The following TRIM44 variants were observed in gnomAD, a reference collection of about 807,000 sequenced individuals.
TRIM44 encodes tripartite motif containing 44.
TRIM44 carries 13 observed loss-of-function variants against 37.4 expected under a neutral mutation model. The ratio of observed to expected loss-of-function variants is 0.35; its 90% CI spans 0.23 to 0.55. The LOEUF is 0.55. Among genes scored for constraint, TRIM44 ranks in the 20% least tolerant of loss-of-function variants. The probability of loss-of-function intolerance (pLI) is 0.89; values close to 1 mark genes in which losing one functional copy is unlikely to be tolerated. For synonymous variants in TRIM44, 175 were observed against 157.2 expected (o/e 1.11, Z -0.85); for missense variants, 426 against 437.2 (o/e 0.97, Z 0.23).
chr11:35,756,988 C>T (rs566106999), intron 4 of TRIM44, among the ~76,000 whole-genome samples: 155 of 152,242 alleles, frequency 1.0e-3, no homozygotes, highest in African/African-American at 3.7e-3. Flanking sequence ...GTGTCTCTGC[C>T]AGGCTTTGGT....
chr11:35,769,917 AC>A (rs779086442), intron 4 of TRIM44, among the ~76,000 whole-genome samples: 1 of 147,408 alleles, frequency 6.8e-6, no homozygotes, highest in Non-Finnish European at 1.5e-5. Context: ...TATAATTTCA[AC>A]TTTTATTTTA....
chr11:35,797,117 A>G (rs1853302940), intron 4 of TRIM44, among the ~76,000 whole-genome samples: 1 of 152,136 alleles, frequency 6.6e-6, no homozygotes, highest in Non-Finnish European at 1.5e-5. Flanking sequence ...GAAAGTAGGG[A>G]AGTGCTCAAA....
chr11:35,724,012 A>C (rs1852138741), intron 2 of TRIM44, among the ~76,000 whole-genome samples: 1 of 152,212 alleles, frequency 6.6e-6, no homozygotes, highest in Admixed American at 6.5e-5. Flanking sequence ...TTACAGGGAC[A>C]TTAATAACAT....
chr11:35,717,976 G>C (rs981091649), intron 2 of TRIM44, among the ~76,000 whole-genome samples: 1 of 152,138 alleles, frequency 6.6e-6, no homozygotes. Context: ...CAAAACAAGA[G>C]TGGAGATTCA....
At chr11:35,735,138 C>G (rs892334801) in intron 3 of TRIM44, among the ~76,000 whole-genome samples, 5 of 152,176 alleles carry the variant, frequency 3.3e-5, no homozygotes, top group African/African-American at 1.2e-4. Flanking sequence ...ATACTGCCAG[C>G]CATACAAATA....
intron 1 of TRIM44, among the ~76,000 whole-genome samples, chr11:35,667,525 G>T (rs1163517945): frequency 6.6e-6 from 1 of 152,056 alleles, no homozygotes; most frequent in Admixed American, 6.6e-5. Context: ...GTGCCACCAT[G>T]CCTGGCTAAC....
At chr11:35,759,944 G>C (rs530691311) in intron 4 of TRIM44, among the ~76,000 whole-genome samples, 5 of 152,364 alleles carry the variant, frequency 3.3e-5, no homozygotes, top group African/African-American at 1.2e-4. Flanking sequence ...TCGGGGTTCA[G>C]GGACCCACTT....
chr11:35,798,968 C>G (rs1853330369), intron 4 of TRIM44, among the ~76,000 whole-genome samples: 1 of 151,310 alleles, frequency 6.6e-6, no homozygotes, highest in Non-Finnish European at 1.5e-5. Context: ...TTGTGTGTTA[C>G]AGAAAGTAAA....
intron 1 of TRIM44, among the ~76,000 whole-genome samples, chr11:35,671,514 G>A (rs950896307): frequency 2.6e-5 from 4 of 152,196 alleles, no homozygotes; most frequent in African/African-American, 9.7e-5. Flanking sequence ...TTAGAATTGA[G>A]AGGAATTTGT....
In TRIM44 at chr11:35,792,072, T is replaced by TACAC. The variant is rs57127722; in HGVS notation, c.1008-14249_1008-14246dup. ...CCATCCCTTCCTGAGGAGTTGCCCC[T>TACAC]ACACACACACACACACACACACACA... On this transcript the variant is annotated intron_variant, in intron 4 of 4. Transcript: ENST00000299413. 8.3e-3 allele frequency among the ~76,000 whole-genome samples: 1,137 copies of TACAC among 136,778 alleles called. 21 individuals are homozygous for TACAC. The highest frequency in any genetic ancestry group is 0.031 in the African/African-American group (1,070 of 34,784). The allele number at this position is 136,778 out of a possible 152,430, so 89.7% of individuals were successfully genotyped here.
At chr11:35,741,030 C>T (rs925241549) in intron 4 of TRIM44, among the ~76,000 whole-genome samples, 4 of 151,974 alleles carry the variant, frequency 2.6e-5, no homozygotes, top group South Asian at 2.1e-4. Context: ...GTTAGTGATA[C>T]GCTTAGGTTT....
intron 2 of TRIM44, among the ~76,000 whole-genome samples, chr11:35,688,104 CA>C (rs1447052997): frequency 1.3e-5 from 2 of 152,164 alleles, no homozygotes; most frequent in African/African-American, 4.8e-5. Context: ...TCTGTTTTCC[CA>C]CAGAGCCCCA....
intron 3 of TRIM44, among the ~76,000 whole-genome samples, chr11:35,733,486 G>A (rs1852289835): frequency 6.6e-6 from 1 of 151,940 alleles, no homozygotes; most frequent in Admixed American, 6.6e-5. Flanking sequence ...GTATATTATA[G>A]ATCCCATGAG....
chr11:35,742,228 C>T (rs1852406456), intron 4 of TRIM44, among the ~76,000 whole-genome samples: 1 of 151,654 alleles, frequency 6.6e-6, no homozygotes, highest in African/African-American at 2.4e-5. Flanking sequence ...CAGGCATGAG[C>T]CACCACATCT....
chr11:35,737,705 G>C (rs1392431891), intron 4 of TRIM44, among the ~76,000 whole-genome samples: 1 of 151,882 alleles, frequency 6.6e-6, no homozygotes, highest in African/African-American at 2.4e-5. Context: ...GGGTGGTGGC[G>C]CACACCTGTA....
chr11:35,740,836 G>A (rs558656855), intron 4 of TRIM44, among the ~76,000 whole-genome samples: 76 of 152,270 alleles, frequency 5.0e-4, no homozygotes, highest in Middle Eastern at 3.4e-3. Flanking sequence ...CACATATGGA[G>A]TGGGAACAAC....
At chr11:35,705,401 A>C (rs552307463) in intron 2 of TRIM44, among the ~76,000 whole-genome samples, 1 of 152,322 alleles carries the variant, frequency 6.6e-6, no homozygotes, top group South Asian at 2.1e-4. Flanking sequence ...TCAGCTCTGC[A>C]CCAAGTGGAC....
chr11:35,685,581 T>C (rs1416202378), intron 2 of TRIM44, among the ~76,000 whole-genome samples: 1 of 152,256 alleles, frequency 6.6e-6, no homozygotes, highest in Non-Finnish European at 1.5e-5. Flanking sequence ...AGGTGCATTT[T>C]TAATCCTCCT....
At chr11:35,785,708 C>CT (rs1050025207) in intron 4 of TRIM44, among the ~76,000 whole-genome samples, 20 of 152,328 alleles carry the variant, frequency 1.3e-4, no homozygotes, top group Admixed American at 3.3e-4. Context: ...AGCTGCCCAT[C>CT]TTAAGAGAGT....
Sources: allele counts gnomAD v4.1 joint callset (sites outside exome capture counted in the v4.1 genomes callset), GRCh38; gene constraint gnomAD v4.1.1; transcripts MANE v1.5; gene names NCBI Gene and HGNC (gene_info 2026-07-23, HGNC 2026-07-21).